RBMS1: variants seen among roughly 807,000 people sequenced by gnomAD.
RBMS1 encodes the protein RNA-binding motif, single-stranded-interacting protein 1.
In RBMS1, 17 loss-of-function variants were observed where a neutral mutation model predicts 62.3. That is an observed-to-expected ratio of 0.27 (90% CI 0.19 to 0.41). RBMS1 has a LOEUF of 0.41. RBMS1 is among the 10% of genes least tolerant of loss of function. The pLI is 1.00. For missense variants in RBMS1, 334 were observed against 504.5 expected, an observed-to-expected ratio of 0.66 and a Z score of 3.24; for synonymous variants, 172 against 170.0, an observed-to-expected ratio of 1.01 and a Z score of -0.09.
At chr2:160,488,859 C>G (rs998049455) in intron 1 of RBMS1, among the ~76,000 whole-genome samples, 1 of 152,010 alleles carries the variant, frequency 6.6e-6, no homozygotes, top group Non-Finnish European at 1.5e-5. Flanking sequence ...TTTACTGTCT[C>G]AATTTAAAAG....
intron 1 of RBMS1, among the ~76,000 whole-genome samples, chr2:160,385,369 AT>A (rs1694514744): frequency 6.6e-6 from 1 of 152,202 alleles, no homozygotes; most frequent in Non-Finnish European, 1.5e-5. Context: ...TCATAAAAAA[AT>A]AAATAAATAA....
chr2:160,357,275 T>C (rs1434176707), intron 2 of RBMS1, among the ~76,000 whole-genome samples: 1 of 152,106 alleles, frequency 6.6e-6, no homozygotes, highest in Non-Finnish European at 1.5e-5. Flanking sequence ...CCCAATTAAC[T>C]TCTGCTAAGG....
At position 160,373,112 on chromosome 2, in the gene RBMS1, C is replaced by A. The variant is rs115696796; in HGVS notation, c.76-5721G>T. Among the ~76,000 whole-genome samples, 11 of 152,202 alleles carry A rather than the reference C, an allele frequency of 7.2e-5. No individual in the cohort carries two copies. In the South Asian group the frequency reaches 2.3e-3, roughly 32 times the overall value. On this transcript the variant is annotated intron_variant, in intron 1 of 13. Transcript: ENST00000348849. Reference sequence around the variant, plus strand: ...CAGCTTCTCAAGACTGTGAAACTGACCAATAGAGTATTAAATTTTTTTTTT... The same window carrying A: ...CAGCTTCTCAAGACTGTGAAACTGAACAATAGAGTATTAAATTTTTTTTTT...
At chr2:160,416,925 G>C (rs1024987681) in intron 1 of RBMS1, among the ~76,000 whole-genome samples, 13 of 152,100 alleles carry the variant, frequency 8.5e-5, no homozygotes, top group African/African-American at 3.1e-4. Flanking sequence ...AGAATCGGTG[G>C]CTTCTATAGA....
intron 2 of RBMS1, among the ~76,000 whole-genome samples, chr2:160,342,947 A>T (rs936859546): frequency 2.0e-5 from 3 of 152,124 alleles, no homozygotes; most frequent in Non-Finnish European, 4.4e-5. Context: ...AAAAACAAAC[A>T]AAAACAAAAA....
intron 2 of RBMS1, among the ~76,000 whole-genome samples, chr2:160,364,497 C>A (rs572283836): frequency 2.8e-4 from 39 of 139,768 alleles, no homozygotes; most frequent in Admixed American, 1.1e-3. Flanking sequence ...TCCTACCCCA[C>A]ATGCCTCCTC....
chr2:160,291,127 T>C (rs1045393457), intron 6 of RBMS1, among the ~76,000 whole-genome samples: 4 of 152,220 alleles, frequency 2.6e-5, no homozygotes, highest in African/African-American at 9.6e-5. Context: ...TTGGAAGGAC[T>C]TGGAGCTCTC....
intron 1 of RBMS1, among the ~76,000 whole-genome samples, chr2:160,384,412 C>A (rs552539312): frequency 6.6e-6 from 1 of 152,270 alleles, no homozygotes; most frequent in East Asian, 1.9e-4. Flanking sequence ...CTAGTCTCCC[C>A]TTCTTTTAAC....
chr2:160,279,336 A>G (rs981771155), intron 10 of RBMS1: 5 of 152,092 alleles, frequency 3.3e-5, no homozygotes, highest in African/African-American at 1.2e-4. Flanking sequence ...AAATCAAATT[A>G]AATATATTTA....
At chr2:160,425,207 T>G (rs1682499803) in intron 1 of RBMS1, among the ~76,000 whole-genome samples, 1 of 152,226 alleles carries the variant, frequency 6.6e-6, no homozygotes, top group South Asian at 2.1e-4. Context: ...AGTTTAACGG[T>G]ATACACTTGT....
intron 1 of RBMS1, among the ~76,000 whole-genome samples, chr2:160,435,847 T>TAC (rs1683086241): frequency 6.6e-6 from 1 of 152,208 alleles, no homozygotes. Context: ...TCCTAATGAC[T>TAC]TAGAGTGTGT....
chr2:160,473,436 T>C (rs1019371942), intron 1 of RBMS1, among the ~76,000 whole-genome samples: 4 of 152,210 alleles, frequency 2.6e-5, no homozygotes, highest in Non-Finnish European at 5.9e-5. Flanking sequence ...TTTAAAAGTA[T>C]TTTTAGGCAA....
chr2:160,325,027 A>C (rs186164602), intron 2 of RBMS1, among the ~76,000 whole-genome samples: 1 of 151,894 alleles, frequency 6.6e-6, no homozygotes, highest in African/African-American at 2.4e-5. Context: ...TCAGGAGCAG[A>C]GTCAGTAAGG....
intron 1 of RBMS1, among the ~76,000 whole-genome samples, chr2:160,407,005 A>G (rs968036706): frequency 6.6e-6 from 1 of 151,208 alleles, no homozygotes; most frequent in African/African-American, 2.4e-5. Flanking sequence ...GGCGCGCGCG[A>G]ACACACAGAC....
chr2:160,366,194 G>A (rs1342890347), intron 2 of RBMS1, among the ~76,000 whole-genome samples: 1 of 152,078 alleles, frequency 6.6e-6, no homozygotes, highest in East Asian at 1.9e-4. Context: ...ACCCATGGAA[G>A]GCCAGATGTT....
chr2:160,472,141 A>G (rs1684946822), intron 1 of RBMS1, among the ~76,000 whole-genome samples: 1 of 152,142 alleles, frequency 6.6e-6, no homozygotes, highest in Non-Finnish European at 1.5e-5. Context: ...AATTGAGCCC[A>G]AATCTTCCTC....
intron 1 of RBMS1, among the ~76,000 whole-genome samples, chr2:160,486,635 C>G (rs1168598994): frequency 6.6e-6 from 1 of 152,144 alleles, no homozygotes; most frequent in Non-Finnish European, 1.5e-5. Flanking sequence ...TCCTGAAGCA[C>G]TTGGATCCAG....
intron 2 of RBMS1, among the ~76,000 whole-genome samples, chr2:160,346,755 A>G (rs552629049): frequency 1.3e-5 from 2 of 152,300 alleles, no homozygotes; most frequent in East Asian, 3.9e-4. Flanking sequence ...GAAAAACTGA[A>G]GAACAGAAAT....
At chr2:160,474,018 G>A (rs184149722) in intron 1 of RBMS1, among the ~76,000 whole-genome samples, 85 of 152,218 alleles carry the variant, frequency 5.6e-4, no homozygotes, top group African/African-American at 2.0e-3. Context: ...AAAACATTAT[G>A]AGTTAATTAT....
Sources: gnomAD v4.1 joint callset for allele counts (sites outside exome capture counted in the v4.1 genomes callset) on GRCh38, gnomAD v4.1.1 for gene constraint, MANE v1.5 for transcripts, NCBI Gene and HGNC (gene_info 2026-07-23, HGNC 2026-07-21) for gene names.